The following TTN variants were observed in gnomAD, a reference collection of about 807,000 sequenced individuals.
TTN encodes the protein connectin.
A neutral mutation model predicts 3,223.0 loss-of-function variants in TTN; 1,525 were observed. The ratio of observed to expected loss-of-function variants is 0.47; its 90% confidence interval spans 0.45 to 0.49. TTN has a LOEUF of 0.49. Ranked by LOEUF, TTN falls within the 20% of genes least tolerant of loss-of-function variation. The pLI is 0.00. For synonymous variants in TTN, 14,094 were observed against 15,161.0 expected, an observed-to-expected ratio of 0.93 and a Z score of 5.17; for missense variants, 40,786 against 43,424.0, an observed-to-expected ratio of 0.94 and a Z score of 5.40.
chr2:178,551,547 A>T, intron 335 of TTN, 83 bp downstream of exon 335: 1 of 1,176,464 alleles, frequency 8.5e-7, no homozygotes, highest in Non-Finnish European at 1.2e-6. Flanking sequence ...AAGGTGATGC[A>T]GAGAAGAAAA....
In TTN at chr2:178,566,416, A is replaced by T; in HGVS notation, c.79716T>A (p.Gly26572=). Residue 26572 remains glycine (G), a synonymous_variant, in exon 326 of 363, where the codon GGT becomes GGA. Coordinates refer to ENST00000589042, the MANE Select transcript of TTN (RefSeq NM_001267550.2). The part of the protein sequence containing the change: ...RVCALNKVGL[G]EATSVPGTVK... ...CAGTACCAGGAACTGATGTAGCCTC[A>T]CCTAAACCAACTTTGTTGAGGGCAC... The T allele has an allele frequency of 6.2e-7, 1 of 1,613,456 alleles. No homozygotes were observed. Among genetic ancestry groups the T allele is most frequent in the East Asian group, 2.2e-5 (1 of 44,842 alleles).
chr2:178,599,564 C>G lies in TTN; in HGVS notation c.56337G>C (p.Leu18779=). The G allele has an allele frequency of 6.4e-7, 1 of 1,568,534 alleles. No individual in the cohort carries two copies. The highest frequency in any genetic ancestry group is 1.4e-5 in the African/African-American group (1 of 73,386). ...CCATGCAGTCTTTACCCAGGACATT[C>G]AGTCTCATCTCCTTTGATGCTGTTC... ...NLGTASKEMR[L]NVLGRPGPPV... The change falls in exon 289 of 363, where the codon CTG becomes CTC. Residue 18779 remains leucine (L), a synonymous_variant. Coordinates refer to ENST00000589042, the MANE Select transcript of TTN (RefSeq NM_001267550.2).
In TTN at chr2:178,572,163, T is replaced by G; in HGVS notation, c.73969A>C (p.Thr24657Pro). The change falls in exon 326 of 363, where the codon ACC becomes CCC. Residue 24657 changes from threonine (T) to proline (P), a missense_variant. Thr to Pro is a conservative substitution (Grantham distance 38, BLOSUM62 -1). Transcript: ENST00000589042. ...RILGYIVEMQ[T>P]KGSDKWATCA... ...GTGGCCCATTTGTCACTGCCTTTGG[T>G]CTGCATCTCCACAATGTAGCCTAGA... 1 of 1,613,480 alleles carries G rather than the reference T, an allele frequency of 6.2e-7. No individual in the cohort carries two copies. Among genetic ancestry groups the G allele is most frequent in the Non-Finnish European group, 8.5e-7 (1 of 1,179,634 alleles).
chr2:178,527,567 G>A lies in TTN; in HGVS notation c.107559C>T (p.Ala35853=), dbSNP rs1060503952. ...MTEMKFASMS[A]QSMSSMQESF... ...ACTCTTGCATGGAGGACATGCTTTG[G>A]GCAGACATGCTTGCAAATTTCATCT... is the stretch of plus-strand genomic sequence containing the variant. The change falls in exon 362 of 363, where the codon GCC becomes GCT. Residue 35853 remains alanine, a synonymous_variant. Coordinates refer to ENST00000589042, the MANE Select transcript of TTN (RefSeq NM_001267550.2). 6.2e-7 allele frequency: 1 copy of A among 1,613,832 alleles called. No homozygotes were observed. Among genetic ancestry groups the A allele is most frequent in the Non-Finnish European group, 8.5e-7 (1 of 1,179,886 alleles).
intron 110 of TTN, 76 bp downstream of exon 110, chr2:178,701,452 G>T (rs1405408950): frequency 1.4e-6 from 2 of 1,463,474 alleles, no homozygotes; most frequent in African/African-American, 1.4e-5. Context: ...TTGGTCGCTG[G>T]TATAAAATTT....
intron 41 of TTN, 36 bp from the exon 42 acceptor site, chr2:178,764,847 G>A: frequency 6.2e-7 from 1 of 1,610,566 alleles, no homozygotes; most frequent in Non-Finnish European, 8.5e-7. Flanking sequence ...CCATGAAAAA[G>A]TGTAAAAACA....
At chr2:178,551,295 C>A in intron 335 of TTN, 35 bp from the exon 336 acceptor site, 1 of 1,560,106 alleles carries the variant, frequency 6.4e-7, no homozygotes, top group Non-Finnish European at 8.7e-7. Context: ...TGCATCATTA[C>A]ATTTGTAACC....
At position 178,572,487 on chromosome 2, in the gene TTN, A is replaced by T; in HGVS notation, c.73645T>A (p.Ser24549Thr). 1 of 1,612,982 alleles carries T rather than the reference A, an allele frequency of 6.2e-7. No homozygotes were observed. Among genetic ancestry groups the T allele is most frequent in the African/African-American group, 1.3e-5 (1 of 74,936 alleles). The part of the protein sequence containing the change: ...TWDPPLLDGG[S>T]KIKNYIVEKR... ...TCAACAATATAGTTCTTGATTTTTG[A>T]ACCTCCATCAAGGAGAGGTGGGTCC... The change falls in exon 326 of 363, where the codon TCA (serine) becomes ACA (threonine). Residue 24549 changes from serine (S) to threonine (T), a missense_variant. Ser to Thr is a moderately conservative substitution (Grantham distance 58). Coordinates refer to ENST00000589042, the MANE Select transcript of TTN (RefSeq NM_001267550.2).
chr2:178,576,891 T>A lies in TTN; in HGVS notation c.69412+32A>T, dbSNP rs1270269375. On this transcript the variant is annotated intron_variant, in intron 324 of 362. Coordinates refer to ENST00000589042, the MANE Select transcript of TTN (RefSeq NM_001267550.2). This position sits in a 1 kb window ranked among gnomAD's most constrained non-coding sequence, Gnocchi z 4.3. Reference sequence around the variant, plus strand: ...TTTCCTAAACTCTGCTATAAATGTTTCCATGTCAATTCCCTCACATGCTCT... The same window carrying A: ...TTTCCTAAACTCTGCTATAAATGTTACCATGTCAATTCCCTCACATGCTCT... 1 of 1,605,640 alleles carries A rather than the reference T, an allele frequency of 6.2e-7. No individual in the cohort carries two copies. The highest frequency in any genetic ancestry group is 1.7e-5 in the Admixed American group (1 of 57,914).
chr2:178,704,034 A>G, intron 106 of TTN, 113 bp downstream of exon 106: 1 of 1,354,522 alleles, frequency 7.4e-7, no homozygotes, highest in Non-Finnish European at 1.0e-6. Flanking sequence ...GTTGGGAAAT[A>G]AGAACACATG....
Position 178,591,961 on chromosome 2 carries a change from CAG to C in TTN, c.59926+15_59926+16del. ...GACAGTCAAACAATAGTTTTGTATT[CAG>C]AGAAAGCAACTTACGGAGAGGATCC... On this transcript the variant is annotated intron_variant, in intron 302 of 362. Coordinates refer to ENST00000589042, the MANE Select transcript of TTN (RefSeq NM_001267550.2). 1 of 1,608,056 alleles carries C rather than the reference CAG, an allele frequency of 6.2e-7. No individual in the cohort carries two copies. The highest frequency in any genetic ancestry group is 8.5e-7 in the Non-Finnish European group (1 of 1,178,348).
chr2:178,601,122 GTTC>G lies in TTN; in HGVS notation c.55779_55781del (p.Lys18593del). 1 of 1,574,022 alleles carries G rather than the reference GTTC, an allele frequency of 6.4e-7. No individual in the cohort carries two copies. Among genetic ancestry groups the G allele is most frequent in the Non-Finnish European group, 8.6e-7 (1 of 1,161,954 alleles). On this transcript the variant is annotated inframe_deletion, in exon 288 of 363. Transcript: ENST00000589042. ...GGGGTTTCCATGACAGATGCACTGT[GTTC>G]TTTGTGATGAGGCCAATCTTGAGTT...
rs2058158687 is a variant in TTN at position 178,620,870 on chromosome 2, A to G, written c.45740T>C (p.Ile15247Thr). ...AATGATGTATTTTGAACTATCAAAT[A>G]TAGCTTCTTCATTTCTGAACCATTT... ...KAKWFRNEEA[I>T]FDSSKYIILQ... Residue 15247 changes from isoleucine to threonine, a missense_variant, in exon 247 of 363, where the codon ATA becomes ACA. Physicochemically the swap from Ile to Thr is moderately conservative, Grantham distance 89. Transcript: ENST00000589042. The G allele has an allele frequency of 4.3e-6, 7 of 1,612,616 alleles. No homozygotes were observed. The highest frequency in any genetic ancestry group is 1.1e-5 in the South Asian group (1 of 91,044).
At chr2:178,668,262 A>G (rs1367569032) in intron 159 of TTN, among the ~76,000 whole-genome samples, 1 of 152,210 alleles carries the variant, frequency 6.6e-6, no homozygotes, top group African/African-American at 2.4e-5. Context: ...GCAAATAAAG[A>G]CAACAAAAAT....
At chr2:178,544,527 G>C in intron 344 of TTN, 21 bp from the exon 345 acceptor site, 2 of 1,569,488 alleles carry the variant, frequency 1.3e-6, no homozygotes, top group Non-Finnish European at 1.7e-6. Context: ...TAAAAAGTGA[G>C]ATGCAGATAT....
Position 178,561,220 on chromosome 2 carries a change from A to C in TTN, c.84912T>G (p.Tyr28304Ter). 6.2e-7 allele frequency: 1 copy of C among 1,613,584 alleles called. No individual in the cohort carries two copies. Among genetic ancestry groups the C allele is most frequent in the Non-Finnish European group, 8.5e-7 (1 of 1,179,794 alleles). The change falls in exon 326 of 363, where the codon TAT (tyrosine) becomes TAG (stop). Residue 28304 changes from tyrosine to a stop codon, truncating the protein, a stop_gained. Transcript: ENST00000589042. LOFTEE classifies it high-confidence loss of function. ...LPDGRWLKCN[Y>*]TNIQETYFEV... ...CAAAGTATGTTTCTTGTATATTAGT[A>C]TAATTGCACTTCAGCCACCGGCCAT... is the stretch of plus-strand genomic sequence containing the variant.
chr2:178,718,760 T>G lies in TTN; in HGVS notation c.24440A>C (p.Asp8147Ala). 6.2e-7 allele frequency: 1 copy of G among 1,613,732 alleles called. No individual in the cohort carries two copies. Among genetic ancestry groups the G allele is most frequent in the Non-Finnish European group, 8.5e-7 (1 of 1,179,736 alleles). ...LFEVQPLESGDYSCLVTNDAG... is the reference protein window; with the variant it reads ...LFEVQPLESGAYSCLVTNDAG... Reference sequence around the variant, plus strand: ...ATCATTTGTAACGAGGCAAGAATAGTCTCCACTTTCTAATGGCTGCACCTC... The same window carrying G: ...ATCATTTGTAACGAGGCAAGAATAGGCTCCACTTTCTAATGGCTGCACCTC... The change falls in exon 84 of 363, where the codon GAC becomes GCC. Residue 8147 changes from aspartate to alanine, a missense_variant. By Grantham distance (126) the Asp-to-Ala change is moderately radical (BLOSUM62 -2). Coordinates refer to ENST00000589042, the MANE Select transcript of TTN (RefSeq NM_001267550.2).
Position 178,567,946 on chromosome 2 carries a change from T to A in TTN, c.78186A>T (p.Glu26062Asp). 1 of 1,613,582 alleles carries A rather than the reference T, an allele frequency of 6.2e-7. No individual in the cohort carries two copies. Reference sequence around the variant, plus strand: ...CAATATTTTCAGCATACACTCTGAATTCATATTCAATGCCTTCTTCAAGAT... The same window carrying A: ...CAATATTTTCAGCATACACTCTGAAATCATATTCAATGCCTTCTTCAAGAT... ...AQNLEEGIEY[E>D]FRVYAENIVG... Residue 26062 changes from glutamate (E) to aspartate (D), a missense_variant, in exon 326 of 363, where the codon GAA (glutamate) becomes GAT (aspartate). By Grantham distance (45) the Glu-to-Asp change is conservative. Coordinates refer to ENST00000589042, the MANE Select transcript of TTN (RefSeq NM_001267550.2).
In TTN at chr2:178,557,431, T is replaced by G; in HGVS notation, c.87831A>C (p.Lys29277Asn). The change falls in exon 329 of 363, where the codon AAA becomes AAC. Residue 29277 changes from lysine (K) to asparagine (N), a missense_variant. By Grantham distance (94) the Lys-to-Asn change is moderately conservative. Coordinates refer to ENST00000589042, the MANE Select transcript of TTN (RefSeq NM_001267550.2). ...TTTGCCATAAAATACTGTTTCTGTC[T>G]TTCATTTCCAGGTGATAGCCTACGA... is the stretch of plus-strand genomic sequence containing the variant. ...SAVVGYHLEM[K>N]DRNSILWQKA... The G allele has an allele frequency of 6.2e-7, 1 of 1,613,992 alleles. No individual in the cohort carries two copies.
Sources: gnomAD v4.1 joint callset for allele counts (sites outside exome capture counted in the v4.1 genomes callset) on GRCh38, gnomAD v4.1.1 for gene constraint, Gnocchi (gnomAD v3.1) non-coding constraint, MANE v1.5 for transcripts, NCBI Gene and HGNC (gene_info 2026-07-23, HGNC 2026-07-21) for gene names.